Variants in SYNE1 observed in about 807,000 individuals in gnomAD.
The protein encoded by SYNE1 is spectrin repeat containing nuclear envelope protein 1.
In SYNE1, 616 loss-of-function variants were observed where a neutral mutation model predicts 1,111.0. The observed-to-expected ratio is 0.55, with a 90% CI of 0.52 to 0.59. The LOEUF is 0.59. Ranked by LOEUF, SYNE1 falls within the 20% of genes least tolerant of loss-of-function variation. The probability of loss-of-function intolerance (pLI) is 0.00; values close to 1 mark genes in which losing one functional copy is unlikely to be tolerated. For synonymous variants in SYNE1, 3,855 were observed against 3,825.8 expected (o/e 1.01, Z -0.28); for missense variants, 10,006 against 10,417.0 (o/e 0.96, Z 1.72).
intron 74 of SYNE1, among the ~76,000 whole-genome samples, chr6:152,340,422 A>G (rs1318526723): frequency 6.6e-6 from 1 of 152,140 alleles, no homozygotes; most frequent in Non-Finnish European, 1.5e-5. Flanking sequence ...GTTGACTCCA[A>G]ATAATTCTTT....
chr6:152,441,052 T>C, intron 32 of SYNE1, 78 bp downstream of exon 32: 1 of 1,536,620 alleles, frequency 6.5e-7, no homozygotes, highest in Non-Finnish European at 9.0e-7. Flanking sequence ...CAATTAATAG[T>C]AATAATGGAG....
At chr6:152,419,494 G>T in intron 40 of SYNE1, 75 bp downstream of exon 40, 1 of 1,404,896 alleles carries the variant, frequency 7.1e-7, no homozygotes, top group Non-Finnish European at 9.7e-7. Context: ...TTAAAATGTT[G>T]CATCTCTTTT....
At chr6:152,398,538 G>T (rs1302183270) in intron 49 of SYNE1, 81 bp downstream of exon 49, 2 of 1,154,422 alleles carry the variant, frequency 1.7e-6, no homozygotes, top group Non-Finnish European at 2.6e-6. Context: ...GATAAGATTT[G>T]GGAAATGAGA....
chr6:152,284,114 A>G lies in SYNE1; in HGVS notation c.18071T>C (p.Leu6024Pro). 1 of 1,614,170 alleles carries G rather than the reference A, an allele frequency of 6.2e-7. No individual in the cohort carries two copies. Among genetic ancestry groups the G allele is most frequent in the South Asian group, 1.1e-5 (1 of 91,084 alleles). ...QDEINELQSS[L>P]AEELVSESCE... ...AGACTCGGATACCAGCTCCTCTGCG[A>G]GAGAGGACTGGAGCTCATTGATTTC... The change falls in exon 96 of 146, where the codon CTC becomes CCC. Residue 6024 changes from leucine to proline, a missense_variant. This residue lies in a region of SYNE1 where 4,955 missense variants were observed against 5,017.2 expected (regional missense o/e 0.99). Transcript: ENST00000367255.
intron 42 of SYNE1, among the ~76,000 whole-genome samples, chr6:152,411,547 C>T (rs1387057151): frequency 6.6e-6 from 1 of 152,088 alleles, no homozygotes; most frequent in African/African-American, 2.4e-5. Flanking sequence ...TCACCCAAAT[C>T]GGCCAACTTG....
chr6:152,394,788 CTT>C lies in SYNE1; in HGVS notation c.7712+726_7712+727del, dbSNP rs11358769. 2.6e-3 allele frequency among the ~76,000 whole-genome samples: 324 copies of C among 125,658 alleles called. 1 individual carries two copies. The highest frequency in any genetic ancestry group is 7.2e-3 in the African/African-American group (241 of 33,380). 82.4% of individuals were successfully genotyped at this position (125,658 alleles called of 152,430 possible). A position where few individuals can be genotyped will look rare whatever the true frequency, so the allele number is the denominator to read the frequency against. ...CAGTACTCTTTTTTTTTTCTTTTTC[CTT>C]TTTTTTTTTTTTTGAGATGGAGTCT... is the stretch of plus-strand genomic sequence containing the variant. On this transcript the variant is annotated intron_variant, in intron 51 of 145. Transcript: ENST00000367255.
chr6:152,202,005 G>C, intron 126 of SYNE1, 56 bp from the exon 127 acceptor site: 1 of 1,600,398 alleles, frequency 6.2e-7, no homozygotes, highest in Non-Finnish European at 8.5e-7. Context: ...GAAACTGGGG[G>C]GGGAAAAGAA....
intron 110 of SYNE1, among the ~76,000 whole-genome samples, chr6:152,235,538 T>G (rs1010291247): frequency 2.0e-5 from 3 of 152,158 alleles, no homozygotes; most frequent in African/African-American, 7.2e-5. Flanking sequence ...ATTTTGTATT[T>G]TTAGTAGAAA....
rs534486251 is a variant in SYNE1, at chr6:152,451,630, C to T, written c.3028-425G>A. On this transcript the variant is annotated intron_variant, in intron 25 of 145. Transcript: ENST00000367255. ...CCTGAGTAGCTGGGACTACAGGCAG[C>T]ACCACCATGCCCAGCCACTTTTTGT... Among the ~76,000 whole-genome samples the T allele has an allele frequency of 2.4e-3, 371 of 151,844 alleles. 4 individuals carry two copies. The highest frequency in any genetic ancestry group is 8.4e-3 in the African/African-American group (347 of 41,386).
intron 108 of SYNE1, 56 bp downstream of exon 108, chr6:152,239,477 G>C (rs370566523): frequency 6.2e-7 from 1 of 1,603,308 alleles, no homozygotes; most frequent in African/African-American, 1.3e-5. Flanking sequence ...TGCATTAAAG[G>C]TCTATTTTGC....
intron 3 of SYNE1, among the ~76,000 whole-genome samples, chr6:152,554,844 G>A (rs2099359592): frequency 6.6e-6 from 1 of 152,126 alleles, no homozygotes; most frequent in South Asian, 2.1e-4. Flanking sequence ...TGGCATGTAG[G>A]CAGAATCTGG....
chr6:152,353,417 A>G lies in SYNE1; in HGVS notation c.11099T>C (p.Leu3700Pro). ...LLQVLEQIKF[L>P]EEEIQSLEES... ...CTCCAAACTCTGAATCTCCTCCTCC[A>G]GGAATTTTATTTGTTCCTATGAAAG... is the stretch of plus-strand genomic sequence containing the variant. Residue 3700 changes from leucine (L) to proline (P), a missense_variant, in exon 69 of 146, where the codon CTG (leucine) becomes CCG (proline). Physicochemically the swap from Leu to Pro is moderately conservative, Grantham distance 98. Coordinates refer to ENST00000367255, the MANE Select transcript of SYNE1 (RefSeq NM_182961.4). 1 of 1,614,236 alleles carries G rather than the reference A, an allele frequency of 6.2e-7. No homozygotes were observed. Among genetic ancestry groups the G allele is most frequent in the Non-Finnish European group, 8.5e-7 (1 of 1,180,046 alleles).
intron 21 of SYNE1, 39 bp from the exon 22 acceptor site, chr6:152,458,969 T>G: frequency 6.3e-7 from 1 of 1,591,858 alleles, no homozygotes; most frequent in South Asian, 1.1e-5. Context: ...TGAAAGACCA[T>G]TAAGTGCCAC....
chr6:152,133,489 C>T lies in SYNE1; in HGVS notation c.25789-1G>A, dbSNP rs2056335951. The T allele has an allele frequency of 6.2e-7, 1 of 1,613,870 alleles. No homozygotes were observed. Among genetic ancestry groups the T allele is most frequent in the Non-Finnish European group, 8.5e-7 (1 of 1,179,940 alleles). On this transcript the variant is annotated splice_acceptor_variant, in intron 142 of 145. Coordinates refer to ENST00000367255, the MANE Select transcript of SYNE1 (RefSeq NM_182961.4). LOFTEE classifies it high-confidence loss of function. ...ATTCCAACAGCTCATGCTTTATTTGCTATGCATACAAAAACAAATTAATTT... is the reference window on the plus strand; with the variant it reads ...ATTCCAACAGCTCATGCTTTATTTGTTATGCATACAAAAACAAATTAATTT...
chr6:152,452,869 C>G (rs940372038), intron 25 of SYNE1, among the ~76,000 whole-genome samples: 1 of 152,244 alleles, frequency 6.6e-6, no homozygotes, highest in Non-Finnish European at 1.5e-5. Flanking sequence ...GCTTCACGCT[C>G]TCCTGCTTTC....
At chr6:152,326,741 G>A (rs2096075909) in intron 78 of SYNE1, 108 bp from the exon 79 acceptor site, 4 of 1,005,632 alleles carry the variant, frequency 4.0e-6, no homozygotes, top group East Asian at 5.2e-5. Context: ...ATGGGCGTAT[G>A]TGTGTAAGTG....
chr6:152,230,370 A>C (rs1032567317), intron 115 of SYNE1, among the ~76,000 whole-genome samples, 177 bp downstream of exon 115: 1 of 152,202 alleles, frequency 6.6e-6, no homozygotes, highest in Non-Finnish European at 1.5e-5. Context: ...AGTGAAAAAA[A>C]CCTAATGTAT....
chr6:152,399,585 AC>A, intron 48 of SYNE1, 30 bp downstream of exon 48: 1 of 1,612,692 alleles, frequency 6.2e-7, no homozygotes, highest in Non-Finnish European at 8.5e-7. Context: ...TCGGAAACAA[AC>A]TACTCATGCT....
intron 127 of SYNE1, among the ~76,000 whole-genome samples, chr6:152,195,959 C>T (rs2074013164): frequency 6.6e-6 from 1 of 152,214 alleles, no homozygotes; most frequent in South Asian, 2.1e-4. Flanking sequence ...GTGCTCTGTT[C>T]TACTGCAGAT....
Sources: allele counts gnomAD v4.1 joint callset (sites outside exome capture counted in the v4.1 genomes callset), GRCh38; gene constraint gnomAD v4.1.1; regional missense constraint gnomAD v4.1.1; transcripts MANE v1.5; gene names NCBI Gene and HGNC (gene_info 2026-07-23, HGNC 2026-07-21).